SHE: variants seen among roughly 807,000 people sequenced by gnomAD.
The protein encoded by SHE is SH2 domain-containing adapter protein E.
A neutral mutation model predicts 49.8 loss-of-function variants in SHE; 11 were observed. The ratio of observed to expected loss-of-function variants is 0.22; its 90% confidence interval spans 0.14 to 0.37. The LOEUF is 0.37. SHE is among the 10% of genes least tolerant of loss of function. SHE has a pLI of 1.00. For synonymous variants in SHE, 310 were observed against 278.1 expected (o/e 1.11, Z -1.14); for missense variants, 624 against 655.5 (o/e 0.95, Z 0.52).
At chr1:154,489,719 G>A (rs16836054) in intron 2 of SHE, among the ~76,000 whole-genome samples, 19,469 of 151,760 alleles carry the variant, frequency 0.13, 1,442 homozygotes, top group South Asian at 0.18. Context: ...TCTGCTCTGA[G>A]TATAGCTCAC....
At chr1:154,477,782 T>C (rs938016819), downstream of SHE, among the ~76,000 whole-genome samples, 9 of 151,308 alleles carry the variant, frequency 5.9e-5, no homozygotes, top group Non-Finnish European at 1.0e-4. Context: ...TCCCAGCTAC[T>C]TGGGAGGCTG....
At chr1:154,476,233 C>T (rs1571036690), downstream of SHE, among the ~76,000 whole-genome samples, 3 of 152,104 alleles carry the variant, frequency 2.0e-5, no homozygotes, top group African/African-American at 4.8e-5. Context: ...GTGGTCCCAG[C>T]CACTTGGGAA....
chr1:154,481,892 C>G lies in SHE; in HGVS notation c.*2257G>C, dbSNP rs1692027815. 5.5e-6 allele frequency: 4 copies of G among 730,600 alleles called. No homozygotes were observed. Among genetic ancestry groups the G allele is most frequent in the African/African-American group, 1.9e-5 (1 of 52,208 alleles). 45.3% of individuals were successfully genotyped at this position (730,600 alleles called of 1,614,324 possible). On this transcript the variant is annotated 3_prime_UTR_variant, in exon 6 of 6. Coordinates refer to ENST00000304760, the MANE Select transcript of SHE (RefSeq NM_001010846.3). Reference sequence around the variant, plus strand: ...TGAGACAGGGTCTCACTCTGTCACTCAGGCTGGAGTGCAATGGTGCGATCA... The same window carrying G: ...TGAGACAGGGTCTCACTCTGTCACTGAGGCTGGAGTGCAATGGTGCGATCA...
intron 1 of SHE, among the ~76,000 whole-genome samples, chr1:154,471,726 C>A (rs999128862): frequency 2.6e-5 from 4 of 152,076 alleles, no homozygotes; most frequent in African/African-American, 9.7e-5. Flanking sequence ...TGTAAGCATT[C>A]ACACTATAGG....
downstream of SHE, among the ~76,000 whole-genome samples, chr1:154,477,949 T>TC (rs1246633775): frequency 6.7e-6 from 1 of 148,700 alleles, no homozygotes; most frequent in African/African-American, 2.5e-5. Flanking sequence ...ATTAAACAAC[T>TC]CCCCATTTCC....
chr1:154,501,232 C>T (rs1348501247), intron 1 of SHE, among the ~76,000 whole-genome samples: 1 of 152,158 alleles, frequency 6.6e-6, no homozygotes, highest in Non-Finnish European at 1.5e-5. Context: ...TGCAAAACTC[C>T]CCACCTCTAA....
Position 154,486,077 on chromosome 1 carries a change from T to C in SHE, c.1182-15A>G, listed in dbSNP as rs773668735. 3.7e-6 allele frequency: 6 copies of C among 1,606,870 alleles called. No individual in the cohort carries two copies. In the Middle Eastern group the frequency reaches 5.0e-4, roughly 133 times the overall value. ...CATGATACCAGCTGAAAAATGGGGGTGGAAGAGGGGAAAGCACCATGAGTG... is the reference window on the plus strand; with the variant it reads ...CATGATACCAGCTGAAAAATGGGGGCGGAAGAGGGGAAAGCACCATGAGTG... On this transcript the variant is annotated splice_polypyrimidine_tract_variant and intron_variant, in intron 4 of 5. Coordinates refer to ENST00000304760, the MANE Select transcript of SHE (RefSeq NM_001010846.3).
downstream of SHE, among the ~76,000 whole-genome samples, chr1:154,479,289 A>G (rs1246321926): frequency 6.6e-6 from 1 of 152,248 alleles, no homozygotes; most frequent in Admixed American, 6.5e-5. Flanking sequence ...GAAGAAAAAC[A>G]TAATAGAAGG....
chr1:154,485,685 T>G, intron 5 of SHE: 1 of 381,348 alleles, frequency 2.6e-6, no homozygotes, highest in Admixed American at 3.6e-5. Flanking sequence ...TTAGGTAATG[T>G]AAGGTAGACA....
chr1:154,500,156 C>G (rs941963589), intron 1 of SHE, among the ~76,000 whole-genome samples: 25 of 152,178 alleles, frequency 1.6e-4, no homozygotes, highest in Admixed American at 6.5e-4. Flanking sequence ...CCAGAAGTGA[C>G]AACCATAAAA....
rs1692001909 is a variant in SHE, at chr1:154,480,913, A to T, written c.*3236T>A. ...ACTTGTCCAGTCATCGCAAGCAAGTATTTTTTTTAAAGAAGGTGTGATCAA... is the reference window on the plus strand; with the variant it reads ...ACTTGTCCAGTCATCGCAAGCAAGTTTTTTTTTTAAAGAAGGTGTGATCAA... On this transcript the variant is annotated 3_prime_UTR_variant, in exon 6 of 6. Coordinates refer to ENST00000304760, the MANE Select transcript of SHE (RefSeq NM_001010846.3). 2.0e-6 allele frequency: 2 copies of T among 985,062 alleles called. No individual in the cohort carries two copies. Among genetic ancestry groups the T allele is most frequent in the African/African-American group, 1.7e-5 (1 of 57,168 alleles). 61.0% of individuals were successfully genotyped at this position (985,062 alleles called of 1,614,324 possible).
At chr1:154,489,864 C>T (rs773188289) in intron 2 of SHE, among the ~76,000 whole-genome samples, 1 of 152,226 alleles carries the variant, frequency 6.6e-6, no homozygotes. Flanking sequence ...TAAACGAACA[C>T]ATTAGCCCAC....
At position 154,480,587 on chromosome 1, in the gene SHE, T is replaced by A; in HGVS notation, c.*3562A>T. ...CTCCCCATCCTGCGGCAGAGGCTAG[T>A]ACACAAATACCAATTCTGCAAAGTA... On this transcript the variant is annotated 3_prime_UTR_variant, in exon 6 of 6. Transcript: ENST00000304760. 1.0e-6 allele frequency: 1 copy of A among 985,456 alleles called. No individual in the cohort carries two copies. The highest frequency in any genetic ancestry group is 1.2e-6 in the Non-Finnish European group (1 of 829,916). The allele number at this position is 985,456 out of a possible 1,614,324, so 61.0% of individuals were successfully genotyped here. A position where few individuals can be genotyped will look rare whatever the true frequency, so the allele number is the denominator to read the frequency against.
chr1:154,480,267 T>A lies in SHE; in HGVS notation c.*3882A>T. 17 of 985,192 alleles carry A rather than the reference T, an allele frequency of 1.7e-5. No individual in the cohort carries two copies. The highest frequency in any genetic ancestry group is 2.0e-5 in the Non-Finnish European group (17 of 829,902). 61.0% of individuals were successfully genotyped at this position (985,192 alleles called of 1,614,324 possible). On this transcript the variant is annotated 3_prime_UTR_variant, in exon 6 of 6. Coordinates refer to ENST00000304760, the MANE Select transcript of SHE (RefSeq NM_001010846.3). ...TGCAATCCTGCTGAGTGTCAAGGGG[T>A]GCGGGGAAGGGAAATGAAATCGACA...
At chr1:154,492,268 G>C (rs1252400575) in intron 2 of SHE, among the ~76,000 whole-genome samples, 2 of 152,168 alleles carry the variant, frequency 1.3e-5, no homozygotes, top group Non-Finnish European at 2.9e-5. Context: ...CAGAGGTTCA[G>C]ATTGGATTAG....
Position 154,483,055 on chromosome 1 carries a change from A to G in SHE, c.*1094T>C, listed in dbSNP as rs1692064318. 1 of 984,856 alleles carries G rather than the reference A, an allele frequency of 1.0e-6. No homozygotes were observed. Among genetic ancestry groups the G allele is most frequent in the African/African-American group, 1.7e-5 (1 of 57,230 alleles). The allele number at this position is 984,856 out of a possible 1,614,324, so 61.0% of individuals were successfully genotyped here. Reference sequence around the variant, plus strand: ...AAAAAAACAGTTGTGGAGCTTTGCAAATTTCCAGAATTTTAAAATTCAGAA... The same window carrying G: ...AAAAAAACAGTTGTGGAGCTTTGCAGATTTCCAGAATTTTAAAATTCAGAA... On this transcript the variant is annotated 3_prime_UTR_variant, in exon 6 of 6. Coordinates refer to ENST00000304760, the MANE Select transcript of SHE (RefSeq NM_001010846.3).
In SHE at chr1:154,483,182, C is replaced by T; in HGVS notation, c.*967G>A. ...TTCTTAAACCTGGGGTATCTTCCTTCCTATTTATGCTTATCTCACTGATTT... is the reference window on the plus strand; with the variant it reads ...TTCTTAAACCTGGGGTATCTTCCTTTCTATTTATGCTTATCTCACTGATTT... On this transcript the variant is annotated 3_prime_UTR_variant, in exon 6 of 6. Coordinates refer to ENST00000304760, the MANE Select transcript of SHE (RefSeq NM_001010846.3). 1.0e-6 allele frequency: 1 copy of T among 985,358 alleles called. No homozygotes were observed. Among genetic ancestry groups the T allele is most frequent in the Non-Finnish European group, 1.2e-6 (1 of 829,922 alleles). 61.0% of individuals were successfully genotyped at this position (985,358 alleles called of 1,614,324 possible). A position where few individuals can be genotyped will look rare whatever the true frequency, so the allele number is the denominator to read the frequency against.
chr1:154,490,562 G>A (rs567806618), intron 2 of SHE, among the ~76,000 whole-genome samples: 4 of 152,216 alleles, frequency 2.6e-5, no homozygotes, highest in African/African-American at 9.6e-5. Context: ...GTCATTTCCA[G>A]TAGAGGAAGC....
downstream of SHE, among the ~76,000 whole-genome samples, chr1:154,476,013 A>C (rs543207864): frequency 6.6e-6 from 1 of 152,324 alleles, no homozygotes; most frequent in East Asian, 1.9e-4. Flanking sequence ...AAAACGTGCA[A>C]GGGTTTTAGA....
Sources: gnomAD v4.1 joint callset for allele counts (sites outside exome capture counted in the v4.1 genomes callset) on GRCh38, gnomAD v4.1.1 for gene constraint, MANE v1.5 for transcripts, NCBI Gene and HGNC (gene_info 2026-07-23, HGNC 2026-07-21) for gene names.